TRHDE: variants seen among roughly 807,000 people sequenced by gnomAD.
TRHDE encodes the protein thyrotropin releasing hormone degrading enzyme.
In TRHDE, 72 loss-of-function variants were observed where a neutral mutation model predicts 125.7. The observed-to-expected ratio is 0.57, with a 90% CI of 0.47 to 0.70. The LOEUF (loss-of-function observed/expected upper bound fraction) is 0.70. Ranked by LOEUF, TRHDE falls within the 30% of genes least tolerant of loss-of-function variation. The pLI is 0.00. For synonymous variants in TRHDE, 509 were observed against 509.1 expected, an observed-to-expected ratio of 1.00 and a Z score of 0.00; for missense variants, 1,110 against 1,327.1, an observed-to-expected ratio of 0.84 and a Z score of 2.54.
chr12:72,362,179 A>G (rs1452601537), intron 2 of TRHDE, among the ~76,000 whole-genome samples: 4 of 139,178 alleles, frequency 2.9e-5, no homozygotes, highest in Non-Finnish European at 4.7e-5. Context: ...AGTCCCACCA[A>G]CAGTGTAAAA....
At chr12:72,256,076 A>G (rs1878807919) in intron 2 of TRHDE, 1 of 152,162 alleles carries the variant, frequency 6.6e-6, no homozygotes, top group South Asian at 2.1e-4. Context: ...TCTAAAACCT[A>G]CAATAGGTCA....
At chr12:72,631,723 GT>G (rs1164016313) in intron 15 of TRHDE, among the ~76,000 whole-genome samples, 1 of 151,854 alleles carries the variant, frequency 6.6e-6, no homozygotes, top group African/African-American at 2.4e-5. Context: ...ACGCACACAA[GT>G]AGCAAAATTT....
intron 2 of TRHDE, chr12:72,254,560 T>G (rs533618020): frequency 6.6e-6 from 1 of 152,320 alleles, no homozygotes; most frequent in East Asian, 1.9e-4. Context: ...TCCTTTTTTC[T>G]TCAAACCTTT....
chr12:72,616,088 G>C (rs1014977715), intron 12 of TRHDE, among the ~76,000 whole-genome samples: 1 of 152,074 alleles, frequency 6.6e-6, no homozygotes, highest in Non-Finnish European at 1.5e-5. Context: ...AGCAGTTAGC[G>C]ATTTCTGCCA....
chr12:72,524,364 C>T (rs183174260), intron 6 of TRHDE, among the ~76,000 whole-genome samples: 11 of 152,198 alleles, frequency 7.2e-5, no homozygotes, highest in Non-Finnish European at 1.5e-4. Context: ...TGAGTAAATT[C>T]AACAGTGAAG....
At chr12:72,346,204 G>C (rs148670074) in intron 2 of TRHDE, among the ~76,000 whole-genome samples, 1 of 152,044 alleles carries the variant, frequency 6.6e-6, no homozygotes, top group South Asian at 2.1e-4. Context: ...GCAAACTACC[G>C]TTTGGGCTAT....
At chr12:72,364,491 AGG>A (rs1289547915) in intron 2 of TRHDE, among the ~76,000 whole-genome samples, 2 of 151,990 alleles carry the variant, frequency 1.3e-5, no homozygotes, top group East Asian at 3.9e-4. Context: ...TTTCCATAGT[AGG>A]GATTTCTACT....
chr12:72,264,262 A>C (rs977944113), intron 2 of TRHDE: 2 of 152,016 alleles, frequency 1.3e-5, no homozygotes, highest in African/African-American at 4.8e-5. Context: ...ACATAATTAA[A>C]AAATAAACCG....
Position 72,667,348 on chromosome 12 carries a change from AT to A in TRHDE, c.*4155del, listed in dbSNP as rs1875146019. 6.6e-6 allele frequency: 1 copy of A among 151,924 alleles called. No individual in the cohort carries two copies. The highest frequency in any genetic ancestry group is 2.4e-5 in the African/African-American group (1 of 41,540). The allele number at this position is 151,924 out of a possible 1,614,324, so 9.4% of individuals were successfully genotyped here. On this transcript the variant is annotated 3_prime_UTR_variant, in exon 19 of 19. Transcript: ENST00000261180. Reference sequence around the variant, plus strand: ...CCTGATTTTTTCATTATCAGAGATAATTATCAGAGATAATTTTTCATTATCA... The same window carrying A: ...CCTGATTTTTTCATTATCAGAGATAATATCAGAGATAATTTTTCATTATCA...
intron 1 of TRHDE, among the ~76,000 whole-genome samples, chr12:72,092,695 G>C (rs1874820334): frequency 6.6e-6 from 1 of 152,152 alleles, no homozygotes; most frequent in Admixed American, 6.5e-5. Context: ...GTGTAGTCTA[G>C]GGGCATGTGC....
intron 2 of TRHDE, among the ~76,000 whole-genome samples, chr12:72,291,054 C>T (rs989994025): frequency 6.6e-6 from 1 of 152,182 alleles, no homozygotes; most frequent in African/African-American, 2.4e-5. Context: ...ATTCATCCTA[C>T]AAACAATGTA....
chr12:72,151,913 T>G (rs1029001362), intron 2 of TRHDE, among the ~76,000 whole-genome samples: 5 of 151,670 alleles, frequency 3.3e-5, no homozygotes, highest in Admixed American at 1.3e-4. Flanking sequence ...TTTAAAGTAG[T>G]TTTTTCCAAT....
chr12:72,528,490 A>AT (rs1028797515), intron 6 of TRHDE, among the ~76,000 whole-genome samples: 2 of 152,090 alleles, frequency 1.3e-5, no homozygotes, highest in African/African-American at 2.4e-5. Flanking sequence ...AAATATTTAG[A>AT]TTTTTTACAA....
intron 2 of TRHDE, among the ~76,000 whole-genome samples, chr12:72,179,243 T>A (rs961937917): frequency 1.3e-5 from 2 of 152,102 alleles, no homozygotes; most frequent in East Asian, 3.9e-4. Flanking sequence ...GAGTAACAAC[T>A]GCAAATAACA....
chr12:72,355,955 A>G (rs760022359), intron 2 of TRHDE, among the ~76,000 whole-genome samples: 2 of 150,810 alleles, frequency 1.3e-5, no homozygotes, highest in Non-Finnish European at 3.0e-5. Context: ...TGTTGATGGG[A>G]TAACCATTGT....
intron 15 of TRHDE, among the ~76,000 whole-genome samples, chr12:72,640,225 C>G (rs11610020): frequency 6.6e-6 from 1 of 152,094 alleles, no homozygotes; most frequent in Non-Finnish European, 1.5e-5. Flanking sequence ...TTTTTAAGCC[C>G]GTCGGAAAAG....
chr12:72,480,579 CA>C (rs1877122550), intron 5 of TRHDE, among the ~76,000 whole-genome samples: 1 of 152,138 alleles, frequency 6.6e-6, no homozygotes, highest in African/African-American at 2.4e-5. Flanking sequence ...TGCATAGTGT[CA>C]AGGTCCTTTT....
chr12:72,638,466 A>C (rs2136095752), intron 15 of TRHDE, among the ~76,000 whole-genome samples: 1 of 150,868 alleles, frequency 6.6e-6, no homozygotes, highest in South Asian at 2.1e-4. Context: ...CCAATTTGCC[A>C]GTCTGTGTCT....
intron 2 of TRHDE, among the ~76,000 whole-genome samples, chr12:72,110,454 A>G (rs776363134): frequency 1.3e-5 from 2 of 152,036 alleles, no homozygotes; most frequent in Non-Finnish European, 2.9e-5. Flanking sequence ...TTTCTTCTCA[A>G]AGACCAGCAT....
Sources: gnomAD v4.1 joint callset for allele counts (sites outside exome capture counted in the v4.1 genomes callset) on GRCh38, gnomAD v4.1.1 for gene constraint, MANE v1.5 for transcripts, NCBI Gene and HGNC (gene_info 2026-07-23, HGNC 2026-07-21) for gene names.